RNF19B: variants seen among roughly 807,000 people sequenced by gnomAD.
RNF19B encodes the protein E3 ubiquitin-protein ligase RNF19B.
In RNF19B, 23 loss-of-function variants were observed where a neutral mutation model predicts 65.5. The ratio of observed to expected loss-of-function variants is 0.35; its 90% CI spans 0.25 to 0.50. RNF19B has a LOEUF of 0.50. Ranked by LOEUF, RNF19B falls within the 20% of genes least tolerant of loss-of-function variation. The pLI, the probability that RNF19B is intolerant of heterozygous loss-of-function variation, is 0.98. For synonymous variants in RNF19B, 372 were observed against 379.6 expected (o/e 0.98, Z 0.23); for missense variants, 794 against 980.0 (o/e 0.81, Z 2.53).
intron 1 of RNF19B, among the ~76,000 whole-genome samples, chr1:32,963,746 T>C (rs1458290843): frequency 1.3e-5 from 2 of 149,338 alleles, no homozygotes; most frequent in South Asian, 2.1e-4. Flanking sequence ...AAAAAAAAGA[T>C]ACTGTCCTCA....
chr1:32,963,151 C>T (rs1262835041), intron 1 of RNF19B, among the ~76,000 whole-genome samples: 1 of 152,092 alleles, frequency 6.6e-6, no homozygotes, highest in Non-Finnish European at 1.5e-5. Context: ...TCTGTCTACC[C>T]CTCACCCTAC....
chr1:32,957,723 A>C (rs1557581046), intron 1 of RNF19B, among the ~76,000 whole-genome samples: 1 of 152,182 alleles, frequency 6.6e-6, no homozygotes, highest in African/African-American at 2.4e-5. Flanking sequence ...AATCCCAGAT[A>C]CTTGGGAGGC....
At chr1:32,960,810 A>G (rs1642751417) in intron 1 of RNF19B, among the ~76,000 whole-genome samples, 1 of 152,122 alleles carries the variant, frequency 6.6e-6, no homozygotes, top group Admixed American at 6.6e-5. Flanking sequence ...CAGCCTGGGC[A>G]ACACAGGGAG....
chr1:32,963,323 C>G (rs1221147804), intron 1 of RNF19B, among the ~76,000 whole-genome samples: 1 of 152,182 alleles, frequency 6.6e-6, no homozygotes, highest in Admixed American at 6.5e-5. Flanking sequence ...CTAAGTCTGT[C>G]CCTAGCCAAG....
In RNF19B at chr1:32,946,425, T is replaced by C; in HGVS notation, c.1123A>G (p.Ile375Val). The change falls in exon 4 of 9, where the codon ATT becomes GTT. Residue 375 changes from isoleucine to valine, a missense_variant. Ile to Val is a conservative substitution (Grantham distance 29). This residue lies in a region of RNF19B where 52 missense variants were observed against 108.8 expected (regional missense o/e 0.48). Transcript: ENST00000235150. ...GIAIPAMVIG[I>V]PVYVGRKIHS... ...ACCTTCCTTCCAACATAAACAGGAA[T>C]GCCAATGACCATGGCAGGAATGGCA... 2.5e-6 allele frequency: 4 copies of C among 1,614,036 alleles called. No homozygotes were observed. Among genetic ancestry groups the C allele is most frequent in the Non-Finnish European group, 3.4e-6 (4 of 1,179,952 alleles).
chr1:32,962,262 C>T (rs1642788198), intron 1 of RNF19B, among the ~76,000 whole-genome samples: 2 of 152,174 alleles, frequency 1.3e-5, no homozygotes, highest in South Asian at 4.1e-4. Flanking sequence ...AGCCACCGAG[C>T]CTGGCCTGTG....
At chr1:32,950,754 C>T (rs1466732155) in intron 1 of RNF19B, among the ~76,000 whole-genome samples, 2 of 151,734 alleles carry the variant, frequency 1.3e-5, no homozygotes. Context: ...CCAGGCTGGT[C>T]GCAAACTTCC....
intron 1 of RNF19B, among the ~76,000 whole-genome samples, chr1:32,951,784 T>C (rs1446626290): frequency 1.3e-5 from 2 of 151,642 alleles, no homozygotes; most frequent in Non-Finnish European, 2.9e-5. Context: ...CCTCCCTTTC[T>C]CTCTTCTGAC....
rs574601356 is a variant in RNF19B, at chr1:32,953,354, T to C, written c.636-3580A>G. 6.6e-5 allele frequency among the ~76,000 whole-genome samples: 10 copies of C among 152,112 alleles called. No homozygotes were observed. The South Asian group carries it at 2.1e-3, about 32-fold the overall frequency. On this transcript the variant is annotated intron_variant, in intron 1 of 8. Transcript: ENST00000235150. ...CACTCTGTCCTCTATTCCAATACTC[T>C]CCCGCAATATTCAAAGACCTCAAAT...
At chr1:32,940,726 T>C (rs946690151) in intron 7 of RNF19B, among the ~76,000 whole-genome samples, 1 of 152,158 alleles carries the variant, frequency 6.6e-6, no homozygotes, top group African/African-American at 2.4e-5. Flanking sequence ...TCCCTAGGCC[T>C]TTCTTCTCCG....
chr1:32,946,261 T>G (rs1642366007), intron 4 of RNF19B, 141 bp downstream of exon 4: 1 of 664,394 alleles, frequency 1.5e-6, no homozygotes, highest in Non-Finnish European at 2.5e-6. Context: ...GAAAATCCAT[T>G]TAAGAAAGTA....
In RNF19B at chr1:32,937,131, C is replaced by T. The variant is rs765527865; in HGVS notation, c.1871G>A (p.Gly624Asp). 1.9e-6 allele frequency: 3 copies of T among 1,614,234 alleles called. No individual in the cohort carries two copies. Among genetic ancestry groups the T allele is most frequent in the East Asian group, 4.5e-5 (2 of 44,884 alleles). The change falls in exon 9 of 9, where the codon GGT becomes GAT. Residue 624 changes from glycine to aspartate, a missense_variant. By Grantham distance (94) the Gly-to-Asp change is moderately conservative (BLOSUM62 -1). Around this residue, in one of 3 missense-constraint regions of RNF19B, gnomAD observed 368 missense variants for 447.3 expected, o/e 0.82. Transcript: ENST00000235150. ...HAQMAENEEE[G>D]SGGGGSEEDP... Reference sequence around the variant, plus strand: ...CTCTTCACTGCCTCCGCCACCACTACCTTCTTCTTCATTCTCTGCCATCTG... The same window carrying T: ...CTCTTCACTGCCTCCGCCACCACTATCTTCTTCTTCATTCTCTGCCATCTG...
chr1:32,959,240 T>C (rs1642713593), intron 1 of RNF19B, among the ~76,000 whole-genome samples: 1 of 152,328 alleles, frequency 6.6e-6, no homozygotes, highest in South Asian at 2.1e-4. Context: ...AATGAAAGGC[T>C]GGAGTGGTGG....
chr1:32,941,635 A>C (rs1199868973), intron 7 of RNF19B, among the ~76,000 whole-genome samples: 1 of 152,162 alleles, frequency 6.6e-6, no homozygotes, highest in Non-Finnish European at 1.5e-5. Flanking sequence ...GAATTCTATA[A>C]AAATGCCTAC....
At chr1:32,935,804 T>C (rs1455388224), downstream of RNF19B, among the ~76,000 whole-genome samples, 2 of 151,978 alleles carry the variant, frequency 1.3e-5, no homozygotes, top group African/African-American at 2.4e-5. Flanking sequence ...AGTCTGGAGT[T>C]GCAGTGATGT....
Position 32,936,962 on chromosome 1 carries a change from G to C in RNF19B, c.2040C>G (p.Thr680=), listed in dbSNP as rs1642119414. ...DAQSDDVPDI[T]SDECGSPRSH... ...AGCGGGGGGAGCCACACTCATCTGA[G>C]GTGATGTCTGGCACATCGTCTGACT... The change falls in exon 9 of 9, where the codon ACC becomes ACG. Residue 680 remains threonine (T), a synonymous_variant. Coordinates refer to ENST00000235150, the MANE Select transcript of RNF19B (RefSeq NM_001300826.2). 6.2e-7 allele frequency: 1 copy of C among 1,614,014 alleles called. No individual in the cohort carries two copies. Among genetic ancestry groups the C allele is most frequent in the Non-Finnish European group, 8.5e-7 (1 of 1,180,004 alleles).
rs1642853239 is a variant in RNF19B, at chr1:32,964,427, C to G, written c.259G>C (p.Glu87Gln). ...PEALPAEPAAEAEAEAAAAAA... is the reference protein window; with the variant it reads ...PEALPAEPAAQAEAEAAAAAA... Reference sequence around the variant, plus strand: ...GCCGCCGCGGCCTCCGCCTCGGCCTCGGCGGCCGGCTCGGCGGGCAGCGCC... The same window carrying G: ...GCCGCCGCGGCCTCCGCCTCGGCCTGGGCGGCCGGCTCGGCGGGCAGCGCC... The change falls in exon 1 of 9, where the codon GAG (glutamate) becomes CAG (glutamine). Residue 87 changes from glutamate to glutamine, a missense_variant. Around this residue, in one of 3 missense-constraint regions of RNF19B, gnomAD observed 374 missense variants for 423.8 expected, o/e 0.88. Coordinates refer to ENST00000235150, the MANE Select transcript of RNF19B (RefSeq NM_001300826.2). The surrounding 1 kb of genome is among the most constrained non-coding windows in gnomAD (Gnocchi z 6.5). 1 of 1,192,164 alleles carries G rather than the reference C, an allele frequency of 8.4e-7. No individual in the cohort carries two copies. Among genetic ancestry groups the G allele is most frequent in the Non-Finnish European group, 1.0e-6 (1 of 965,022 alleles). The allele number at this position is 1,192,164 out of a possible 1,614,324, so 73.8% of individuals were successfully genotyped here.
Position 32,961,281 on chromosome 1 carries a change from T to C in RNF19B, c.635+2770A>G, listed in dbSNP as rs79495101. Reference sequence around the variant, plus strand: ...AGTATCTTTGGCTTTCTCCATGTTGTCCTCAGGCTACACTTAATGAAATGC... The same window carrying C: ...AGTATCTTTGGCTTTCTCCATGTTGCCCTCAGGCTACACTTAATGAAATGC... On this transcript the variant is annotated intron_variant, in intron 1 of 8. Transcript: ENST00000235150. Among the ~76,000 whole-genome samples the C allele has an allele frequency of 2.8e-4, 42 of 152,288 alleles. 1 individual carries two copies. The East Asian group carries it at 7.9e-3, about 29-fold the overall frequency.
intron 7 of RNF19B, among the ~76,000 whole-genome samples, chr1:32,939,986 C>T (rs556462804): frequency 1.4e-4 from 21 of 152,308 alleles, no homozygotes; most frequent in South Asian, 8.3e-4. Flanking sequence ...GATGCACAGA[C>T]GGGTCAGTAG....
Sources: gnomAD v4.1 joint callset for allele counts (sites outside exome capture counted in the v4.1 genomes callset) on GRCh38, gnomAD v4.1.1 for gene constraint, gnomAD v4.1.1 regional missense constraint, Gnocchi (gnomAD v3.1) non-coding constraint, MANE v1.5 for transcripts, NCBI Gene and HGNC (gene_info 2026-07-23, HGNC 2026-07-21) for gene names.